PRELID2: variants seen among roughly 807,000 people sequenced by gnomAD.
The protein encoded by PRELID2 is PRELI domain-containing protein 2.
In PRELID2, 25 loss-of-function variants were observed where a neutral mutation model predicts 28.4. The observed-to-expected ratio is 0.88, with a 90% confidence interval of 0.64 to 1.23. PRELID2 has a LOEUF of 1.23. PRELID2 is among the 50% of genes most tolerant of loss of function. The pLI is 0.00. For synonymous variants in PRELID2, 76 were observed against 71.6 expected (o/e 1.06, Z -0.31); for missense variants, 201 against 214.4 (o/e 0.94, Z 0.39).
chr5:145,704,584 A>G (rs1322049234), intron 1 of PRELID2, among the ~76,000 whole-genome samples: 1 of 152,156 alleles, frequency 6.6e-6, no homozygotes, highest in Non-Finnish European at 1.5e-5. Context: ...GAAATAGAAA[A>G]CTTTTGAAAT....
intron 1 of PRELID2, among the ~76,000 whole-genome samples, chr5:145,570,512 C>T (rs556436488): frequency 6.6e-6 from 1 of 152,198 alleles, no homozygotes; most frequent in Non-Finnish European, 1.5e-5. Context: ...CCAGTAAAGG[C>T]TGTGGTGCTG....
At chr5:145,290,971 C>T in the PRELID2 span, among the ~76,000 whole-genome samples, 3 of 151,336 alleles carry the variant, frequency 2.0e-5, no homozygotes, top group Admixed American at 2.0e-4. Context: ...TAGGTTTTTA[C>T]AGAGGTAGTC....
At chr5:145,405,922 G>T in the PRELID2 span, among the ~76,000 whole-genome samples, 15 of 152,010 alleles carry the variant, frequency 9.9e-5, no homozygotes, top group Admixed American at 6.6e-4. Context: ...AGCCAGGAGG[G>T]TCTCAATCTC....
chr5:145,717,178 A>G (rs1755867088), intron 1 of PRELID2, among the ~76,000 whole-genome samples: 1 of 152,134 alleles, frequency 6.6e-6, no homozygotes. Flanking sequence ...GCCACATACT[A>G]TTTTATTCTA....
chr5:145,257,397 AAG>A, the PRELID2 span, among the ~76,000 whole-genome samples: 1 of 152,012 alleles, frequency 6.6e-6, no homozygotes, highest in Non-Finnish European at 1.5e-5. Context: ...TTAAAATCAA[AAG>A]AGAAGATAAA....
At chr5:145,741,232 T>C (rs1756716550) in intron 1 of PRELID2, among the ~76,000 whole-genome samples, 1 of 113,104 alleles carries the variant, frequency 8.8e-6, no homozygotes, top group African/African-American at 3.6e-5. Context: ...ATATATAATA[T>C]ATAATATAAA....
rs1755729920 is a variant in PRELID2 at position 145,712,785 on chromosome 5, A to G, written n.70+52146T>C. On this transcript the variant is annotated intron_variant and non_coding_transcript_variant, in intron 1 of 2. Coordinates refer to the PRELID2 transcript ENST00000510259. ...CCAATATAAATATATCAAAGGATCT[A>G]GTGGAAAAGGTAGACAACAGTGGGC... 2.0e-5 allele frequency among the ~76,000 whole-genome samples: 3 copies of G among 152,266 alleles called. No individual in the cohort carries two copies. In the South Asian group the frequency reaches 6.2e-4, roughly 32 times the overall value.
chr5:145,361,279 C>CA, the PRELID2 span, among the ~76,000 whole-genome samples: 2 of 152,140 alleles, frequency 1.3e-5, no homozygotes, highest in Non-Finnish European at 1.5e-5. Flanking sequence ...CACCTTAGCT[C>CA]AAAATCACAT....
At chr5:145,385,695 T>C in the PRELID2 span, among the ~76,000 whole-genome samples, 1 of 152,204 alleles carries the variant, frequency 6.6e-6, no homozygotes, top group African/African-American at 2.4e-5. Flanking sequence ...AATTATTGCA[T>C]TTTGTATTTC....
intron 1 of PRELID2, among the ~76,000 whole-genome samples, chr5:145,590,368 A>G (rs1433034): frequency 0.18 from 27,397 of 152,036 alleles, 4,138 homozygotes; most frequent in African/African-American, 0.4. Flanking sequence ...TCTTCATAGC[A>G]TTTATTACAA....
intron 1 of PRELID2, among the ~76,000 whole-genome samples, chr5:145,487,109 G>T (rs1432641638): frequency 1.7e-5 from 2 of 118,068 alleles, no homozygotes; most frequent in East Asian, 5.9e-4. Context: ...GGGGAGGGGG[G>T]AGGGATAGCA....
chr5:145,535,516 A>C (rs940373864), intron 1 of PRELID2, among the ~76,000 whole-genome samples: 1 of 151,800 alleles, frequency 6.6e-6, no homozygotes. Flanking sequence ...AGTATTTTTT[A>C]TTATTATTAT....
At chr5:145,793,481 C>T (rs1040767991) in intron 5 of PRELID2, among the ~76,000 whole-genome samples, 13 of 151,898 alleles carry the variant, frequency 8.6e-5, no homozygotes, top group South Asian at 2.1e-4. Flanking sequence ...CAGGCTGATA[C>T]CAGAAAAAAT....
intron 4 of PRELID2, among the ~76,000 whole-genome samples, chr5:145,805,831 C>T (rs1753463280): frequency 6.6e-6 from 1 of 152,184 alleles, no homozygotes. Flanking sequence ...CATCATGTTA[C>T]TATACCGCAT....
chr5:145,262,000 AACAATCACTACATCCAGAATGAAG>A, the PRELID2 span, among the ~76,000 whole-genome samples: 1 of 152,268 alleles, frequency 6.6e-6, no homozygotes, highest in African/African-American at 2.4e-5. Flanking sequence ...TAGATAAGAA[AACAATCACTACATCCAGAATGAAG>A]GACACACTTA....
In PRELID2 at chr5:145,821,193, C is replaced by CTGTGTG. The variant is rs67638075; in HGVS notation, c.134-1181_134-1176dup. Among the ~76,000 whole-genome samples the CTGTGTG allele has an allele frequency of 2.6e-3, 308 of 117,026 alleles. 11 individuals carry two copies. The highest frequency in any genetic ancestry group is 0.026 in the Middle Eastern group (6 of 234). The allele number at this position is 117,026 out of a possible 152,430, so 76.8% of individuals were successfully genotyped here. On this transcript the variant is annotated intron_variant, in intron 2 of 6. Transcript: ENST00000683046. The stretch of plus-strand genomic sequence containing the variant: ...TGTGTGTGTGTGTGTAAGTCCTCTT[C>CTGTGTG]TGTGTGTGTGTGTGTAAGTCCTCTT...
At chr5:145,509,956 G>T (rs890732594) in intron 1 of PRELID2, among the ~76,000 whole-genome samples, 1 of 152,076 alleles carries the variant, frequency 6.6e-6, no homozygotes, top group African/African-American at 2.4e-5. Context: ...ACCTGCTCTC[G>T]TTGTTAAGTA....
the PRELID2 span, among the ~76,000 whole-genome samples, chr5:145,261,723 A>G: frequency 1.3e-5 from 2 of 152,212 alleles, no homozygotes; most frequent in Non-Finnish European, 2.9e-5. Flanking sequence ...TCCCTCTGAC[A>G]TAGTCTACCC....
intron 1 of PRELID2, among the ~76,000 whole-genome samples, chr5:145,686,064 T>C (rs184878303): frequency 8.5e-4 from 130 of 152,312 alleles, no homozygotes; most frequent in African/African-American, 3.1e-3. Flanking sequence ...CAAGCTTTTC[T>C]CTTCTGCCTT....
Sources: gnomAD v4.1 joint callset for allele counts (sites outside exome capture counted in the v4.1 genomes callset) on GRCh38, gnomAD v4.1.1 for gene constraint, MANE v1.5 for transcripts, NCBI Gene and HGNC (gene_info 2026-07-23, HGNC 2026-07-21) for gene names.